The following COL23A1 variants were observed in gnomAD, a reference collection of about 807,000 sequenced individuals.
COL23A1 encodes collagen type XXIII alpha 1 chain, also known as collagen alpha-1(XXIII) chain.
COL23A1 carries 97 observed loss-of-function variants against 99.3 expected under a neutral mutation model. The ratio of observed to expected loss-of-function variants is 0.98; its 90% CI spans 0.83 to 1.16. The LOEUF (loss-of-function observed/expected upper bound fraction) is 1.16, where lower values mean the gene tolerates loss of function less well. Ranked by LOEUF, COL23A1 falls within the 50% of genes most tolerant of loss-of-function variation. COL23A1 has a pLI of 0.00. For synonymous variants in COL23A1, 320 were observed against 308.2 expected (o/e 1.04, Z -0.40); for missense variants, 762 against 757.4 (o/e 1.01, Z -0.07).
rs185409260 is a variant in COL23A1 at position 178,355,315 on chromosome 5, A to G, written c.362-48396T>C. On this transcript the variant is annotated intron_variant, in intron 2 of 28. Transcript: ENST00000390654. ...TAAAATAAATAAACAAGCATTTTAT[A>G]TCAAGGACTTGAGCAGTCCAGATTT... Among the ~76,000 whole-genome samples the G allele has an allele frequency of 1.1e-3, 164 of 152,326 alleles. 3 individuals are homozygous for G. The South Asian group carries it at 0.025, about 24-fold the overall frequency.
intron 2 of COL23A1, among the ~76,000 whole-genome samples, chr5:178,531,929 C>T (rs1760673890): frequency 6.6e-6 from 1 of 152,216 alleles, no homozygotes; most frequent in Admixed American, 6.5e-5. Flanking sequence ...CAACACCAAA[C>T]TCAAGGTGGG....
At chr5:178,475,625 A>G (rs1335529708) in intron 2 of COL23A1, among the ~76,000 whole-genome samples, 1 of 152,222 alleles carries the variant, frequency 6.6e-6, no homozygotes, top group Non-Finnish European at 1.5e-5. Flanking sequence ...ACAAATTGCC[A>G]TAAACTCAGC....
intron 2 of COL23A1, among the ~76,000 whole-genome samples, chr5:178,430,360 C>T (rs1164970231): frequency 2.6e-5 from 4 of 152,164 alleles, no homozygotes; most frequent in South Asian, 2.1e-4. Flanking sequence ...AAACGGGTTC[C>T]GATTTCCTAA....
chr5:178,360,473 G>C (rs765326030), intron 2 of COL23A1, among the ~76,000 whole-genome samples: 20 of 148,322 alleles, frequency 1.3e-4, no homozygotes, highest in African/African-American at 2.3e-4. Flanking sequence ...GGCCTCATGT[G>C]GGGGGGGATG....
At chr5:178,435,601 G>C (rs1424634936) in intron 2 of COL23A1, among the ~76,000 whole-genome samples, 1 of 152,180 alleles carries the variant, frequency 6.6e-6, no homozygotes, top group Non-Finnish European at 1.5e-5. Flanking sequence ...TGCAAAACTA[G>C]ATAACTACAG....
chr5:178,430,921 G>A (rs2127818153), intron 2 of COL23A1, among the ~76,000 whole-genome samples: 1 of 152,182 alleles, frequency 6.6e-6, no homozygotes, highest in African/African-American at 2.4e-5. Context: ...GATGCCCTGG[G>A]TGAGTTCATA....
intron 2 of COL23A1, among the ~76,000 whole-genome samples, chr5:178,313,000 C>T (rs1490397392): frequency 1.3e-5 from 2 of 152,180 alleles, no homozygotes; most frequent in Non-Finnish European, 2.9e-5. Context: ...TACAGCGGGA[C>T]GTGAGTCAGC....
At chr5:178,501,239 G>A (rs917891075) in intron 2 of COL23A1, among the ~76,000 whole-genome samples, 1 of 152,066 alleles carries the variant, frequency 6.6e-6, no homozygotes, top group Admixed American at 6.6e-5. Flanking sequence ...TCCCAGACTT[G>A]GAGCTGAGGA....
In COL23A1 at chr5:178,277,811, C is replaced by T. The variant is rs1756675393; in HGVS notation, c.442-7448G>A. Reference sequence around the variant, plus strand: ...ATACCTGCTGAAATGACACATTTGCCCATGACTGGTGGGGAGAGACATGAT... The same window carrying T: ...ATACCTGCTGAAATGACACATTTGCTCATGACTGGTGGGGAGAGACATGAT... On this transcript the variant is annotated intron_variant, in intron 5 of 28. Transcript: ENST00000390654. Among the ~76,000 whole-genome samples, 3 of 152,338 alleles carry T rather than the reference C, an allele frequency of 2.0e-5. No homozygotes were observed. In the South Asian group the frequency reaches 6.2e-4, roughly 32 times the overall value.
At chr5:178,486,699 G>T (rs1195359355) in intron 2 of COL23A1, among the ~76,000 whole-genome samples, 2 of 152,206 alleles carry the variant, frequency 1.3e-5, no homozygotes, top group African/African-American at 4.8e-5. Context: ...AACAGCCAAA[G>T]AAAACCCAAA....
At chr5:178,262,060 G>A (rs1244861026) in intron 10 of COL23A1, among the ~76,000 whole-genome samples, 157 bp downstream of exon 10, 1 of 152,144 alleles carries the variant, frequency 6.6e-6, no homozygotes, top group Non-Finnish European at 1.5e-5. Flanking sequence ...AGGTGCACAG[G>A]GGTCCACACA....
chr5:178,554,389 G>A (rs1762161237), intron 2 of COL23A1, among the ~76,000 whole-genome samples: 1 of 152,092 alleles, frequency 6.6e-6, no homozygotes, highest in African/African-American at 2.4e-5. Flanking sequence ...ATGTTGGCCA[G>A]GCTGCTCTCG....
chr5:178,242,325 G>A lies in COL23A1; in HGVS notation c.1494+16C>T, dbSNP rs748563668. On this transcript the variant is annotated intron_variant, in intron 26 of 28. Transcript: ENST00000390654. ...CCCCTCTCCTCCTGCCCCAGCTCCC[G>A]TCCAGCTGCCCTCACCTTCTCTCCA... 67 of 1,612,816 alleles carry A rather than the reference G, an allele frequency of 4.2e-5. 1 individual carries two copies. The highest frequency in any genetic ancestry group is 1.1e-4 in the African/African-American group (8 of 74,836).
chr5:178,392,921 C>T (rs1262999668), intron 2 of COL23A1, among the ~76,000 whole-genome samples: 1 of 152,198 alleles, frequency 6.6e-6, no homozygotes, highest in Non-Finnish European at 1.5e-5. Context: ...ACAGCAGTAC[C>T]ACTGTTAGTG....
chr5:178,254,857 T>C, intron 16 of COL23A1, 92 bp downstream of exon 16: 1 of 1,145,644 alleles, frequency 8.7e-7, no homozygotes, highest in Non-Finnish European at 1.3e-6. Context: ...GTCCCTTGTG[T>C]AAAAAAGTGC....
intron 2 of COL23A1, chr5:178,378,086 G>C (rs1360454707): frequency 6.6e-6 from 1 of 152,404 alleles, no homozygotes; most frequent in Non-Finnish European, 1.5e-5. Context: ...GGGACCACCA[G>C]GTTGCCGAAG....
rs1472383237 is a variant in COL23A1, at chr5:178,307,427, C to T, written c.362-508G>A. Among the ~76,000 whole-genome samples the T allele has an allele frequency of 1.3e-5, 2 of 152,256 alleles. No homozygotes were observed. The highest frequency in any genetic ancestry group is 6.5e-5 in the Admixed American group (1 of 15,288). ...CACTCATGACAGGCACTACACGATC[C>T]GCCTGCAGTCTCCGCCACTCGCTGG... On this transcript the variant is annotated intron_variant, in intron 2 of 28. Coordinates refer to ENST00000390654, the MANE Select transcript of COL23A1 (RefSeq NM_173465.4). The surrounding 1 kb of genome is among the most constrained non-coding windows in gnomAD (Gnocchi z 4.2).
chr5:178,350,266 G>A (rs574994018), intron 2 of COL23A1, among the ~76,000 whole-genome samples: 3 of 152,202 alleles, frequency 2.0e-5, no homozygotes, highest in Non-Finnish European at 2.9e-5. Flanking sequence ...GCTCTGAAGC[G>A]TGCTTCTATT....
At chr5:178,547,597 ACCCACACACACACCC>A (rs1761687195) in intron 2 of COL23A1, among the ~76,000 whole-genome samples, 2 of 12,896 alleles carry the variant, frequency 1.6e-4, no homozygotes, top group Non-Finnish European at 2.8e-4. Context: ...CCCCACAACC[ACCCACACACACACCC>A]CCCACACACA....
Sources: gnomAD v4.1 joint callset for allele counts (sites outside exome capture counted in the v4.1 genomes callset) on GRCh38, gnomAD v4.1.1 for gene constraint, Gnocchi (gnomAD v3.1) non-coding constraint, MANE v1.5 for transcripts, NCBI Gene and HGNC (gene_info 2026-07-23, HGNC 2026-07-21) for gene names.